ADCY7: variants seen among roughly 807,000 people sequenced by gnomAD.
The protein encoded by ADCY7 is adenylate cyclase 7, also known as adenylate cyclase type 7.
ADCY7 carries 72 observed loss-of-function variants against 120.6 expected under a neutral mutation model. The ratio of observed to expected loss-of-function variants is 0.60; its 90% CI spans 0.49 to 0.73. ADCY7 has a LOEUF of 0.73. Among genes scored for constraint, ADCY7 ranks in the 30% least tolerant of loss-of-function variants. The pLI is 0.00. For synonymous variants in ADCY7, 661 were observed against 628.0 expected (o/e 1.05, Z -0.78); for missense variants, 1,227 against 1,486.0 (o/e 0.83, Z 2.87).
intron 1 of ADCY7, among the ~76,000 whole-genome samples, chr16:50,277,176 G>T (rs887306151): frequency 6.6e-6 from 1 of 152,072 alleles, no homozygotes; most frequent in East Asian, 1.9e-4. Flanking sequence ...TCCATTGTAA[G>T]GTTGTATCAT....
At position 50,301,283 on chromosome 16, in the gene ADCY7, C is replaced by T. The variant is rs1228680936; in HGVS notation, c.1368+69C>T. 1.6e-5 allele frequency: 24 copies of T among 1,507,478 alleles called. No individual in the cohort carries two copies. The East Asian group carries it at 5.9e-4, about 37-fold the overall frequency. 93.4% of individuals were successfully genotyped at this position (1,507,478 alleles called of 1,614,324 possible). A position where few individuals can be genotyped will look rare whatever the true frequency, so the allele number is the denominator to read the frequency against. On this transcript the variant is annotated intron_variant, in intron 10 of 25. Transcript: ENST00000673801. ...CTGGAGGGGCCCTGGAGAGCCTGGC[C>T]CGCACCTTGGAGGAAACCCCCATGT...
chr16:50,293,641 G>A, intron 6 of ADCY7, 139 bp downstream of exon 6: 1 of 1,066,054 alleles, frequency 9.4e-7, no homozygotes, highest in East Asian at 2.6e-5. Flanking sequence ...CATGGTTCCA[G>A]GTCAATCTGG....
chr16:50,302,779 A>G (rs541597161), intron 10 of ADCY7, among the ~76,000 whole-genome samples: 2 of 152,282 alleles, frequency 1.3e-5, no homozygotes, highest in African/African-American at 4.8e-5. Context: ...CTAAGGTGGC[A>G]GTGGCGGGCC....
intron 8 of ADCY7, among the ~76,000 whole-genome samples, chr16:50,299,398 A>G (rs2035566871): frequency 2.0e-5 from 3 of 152,228 alleles, no homozygotes; most frequent in Non-Finnish European, 2.9e-5. Flanking sequence ...CCAAGGCTCC[A>G]TCTGCTTCCT....
At chr16:50,275,392 C>A (rs1258270964) in intron 1 of ADCY7, among the ~76,000 whole-genome samples, 1 of 152,162 alleles carries the variant, frequency 6.6e-6, no homozygotes, top group African/African-American at 2.4e-5. Context: ...CTCTACAGGC[C>A]ACAGCTACCC....
chr16:50,308,848 G>T, intron 17 of ADCY7, 56 bp downstream of exon 17: 1 of 1,547,262 alleles, frequency 6.5e-7, no homozygotes. Context: ...CTCCAGATTT[G>T]GGACGCCTAC....
At chr16:50,291,606 C>T (rs1048965659) in intron 3 of ADCY7, 130 bp from the exon 4 acceptor site, 8 of 982,740 alleles carry the variant, frequency 8.1e-6, no homozygotes, top group Non-Finnish European at 6.2e-6. Flanking sequence ...TATGTCTGCC[C>T]ACGCAGGGGG....
Position 50,246,223 on chromosome 16 carries a change from G to T in ADCY7, c.-64+20G>T. ...CAGCAGGTGAGCGCGGGGCGCGGGGGAGCGCGGCGGGCGGGCCGGGGATGC... is the reference window on the plus strand; with the variant it reads ...CAGCAGGTGAGCGCGGGGCGCGGGGTAGCGCGGCGGGCGGGCCGGGGATGC... On this transcript the variant is annotated intron_variant, in intron 1 of 4. Transcript: ENST00000564044. The T allele has an allele frequency of 2.0e-5, 3 of 149,690 alleles. No homozygotes were observed. In the South Asian group the frequency reaches 5.6e-4, roughly 28 times the overall value. 9.3% of individuals were successfully genotyped at this position (149,690 alleles called of 1,614,324 possible).
rs764713103 is a variant in ADCY7, at chr16:50,311,728, C to T, written c.2390C>T (p.Thr797Ile). 1 of 1,612,192 alleles carries T rather than the reference C, an allele frequency of 6.2e-7. No individual in the cohort carries two copies. The highest frequency in any genetic ancestry group is 1.1e-5 in the South Asian group (1 of 91,034). The change falls in exon 20 of 26, where the codon ACC becomes ATC. Residue 797 changes from threonine to isoleucine, a missense_variant. By Grantham distance (89) the Thr-to-Ile change is moderately conservative. This residue lies in a region of ADCY7 where 267 missense variants were observed against 270.0 expected (regional missense o/e 0.99). Coordinates refer to ENST00000673801, the MANE Select transcript of ADCY7 (RefSeq NM_001114.5). ...TPSCSWKDLK[T>I]MTNFYLVLFY... ...AGCTGTTCCTGGAAGGACCTGAAGA[C>T]CATGACCAATTTCTACCTGGTCCTG...
chr16:50,311,545 T>A, intron 19 of ADCY7, 148 bp from the exon 20 acceptor site: 2 of 668,294 alleles, frequency 3.0e-6, no homozygotes, highest in Non-Finnish European at 2.7e-6. Flanking sequence ...CCCCCCTTTA[T>A]AATACCCCAA....
intron 4 of ADCY7, among the ~76,000 whole-genome samples, chr16:50,292,202 C>G (rs2035030380): frequency 6.6e-6 from 1 of 152,238 alleles, no homozygotes; most frequent in South Asian, 2.1e-4. Context: ...CGAAGTTTCC[C>G]CTCGAAGGCC....
chr16:50,301,341 C>A, intron 10 of ADCY7, 127 bp downstream of exon 10: 7 of 1,268,858 alleles, frequency 5.5e-6, no homozygotes, highest in Non-Finnish European at 6.4e-6. Context: ...CCTGCCTGGG[C>A]AGGAGTGAGC....
Position 50,292,818 on chromosome 16 carries a change from G to A in ADCY7, c.680G>A (p.Arg227His), listed in dbSNP as rs1318685397. The A allele has an allele frequency of 5.0e-6, 8 of 1,613,050 alleles. No individual in the cohort carries two copies. Among genetic ancestry groups the A allele is most frequent in the Admixed American group, 1.7e-5 (1 of 59,984 alleles). Residue 227 changes from arginine (R) to histidine (H), a missense_variant, in exon 5 of 26, where the codon CGC becomes CAC. Coordinates refer to ENST00000673801, the MANE Select transcript of ADCY7 (RefSeq NM_001114.5). ...CGCCGGAAGCTGCGCATCGAGAAGC[G>A]CCAGCAGGTGGGACCCGGCCCCCAC... ...QIRRKLRIEK[R>H]QQENLLLSVL...
chr16:50,311,811 C>CCG (rs1555525928), intron 20 of ADCY7, 25 bp downstream of exon 20: 4 of 1,343,458 alleles, frequency 3.0e-6, no homozygotes, highest in East Asian at 5.6e-5. Flanking sequence ...CCCCCCCCCC[C>CCG]CCCCAAGCTC....
At chr16:50,258,091 T>A (rs1289118843) in intron 1 of ADCY7, among the ~76,000 whole-genome samples, 1 of 152,076 alleles carries the variant, frequency 6.6e-6, no homozygotes, top group Middle Eastern at 3.2e-3. Flanking sequence ...GAGCCAGGCA[T>A]GGTGGCATGC....
chr16:50,312,166 A>G lies in ADCY7; in HGVS notation c.2579A>G (p.His860Arg). The G allele has an allele frequency of 6.2e-7, 1 of 1,614,028 alleles. No individual in the cohort carries two copies. Among genetic ancestry groups the G allele is most frequent in the Non-Finnish European group, 8.5e-7 (1 of 1,180,004 alleles). ...GTCCTGCCAGCCCACGTGGCTGCCC[A>G]CTTTATCGGTGACAAGTTAAACGAG... ...ENVLPAHVAA[H>R]FIGDKLNEDW... Residue 860 changes from histidine (H) to arginine (R), a missense_variant, in exon 21 of 26, where the codon CAC (histidine) becomes CGC (arginine). By Grantham distance (29) the His-to-Arg change is conservative. This residue lies in a region of ADCY7 where 244 missense variants were observed against 332.8 expected (regional missense o/e 0.73). Coordinates refer to ENST00000673801, the MANE Select transcript of ADCY7 (RefSeq NM_001114.5).
At chr16:50,287,708 T>A (rs1175367748) in intron 1 of ADCY7, among the ~76,000 whole-genome samples, 1 of 148,718 alleles carries the variant, frequency 6.7e-6, no homozygotes, top group African/African-American at 2.5e-5. Context: ...CAGCCACATG[T>A]GGCTAGTGGC....
At position 50,304,549 on chromosome 16, in the gene ADCY7, A is replaced by C; in HGVS notation, c.1558A>C (p.Lys520Gln). Reference sequence around the variant, plus strand: ...CCACGTCCCCAACGGGCGGAGGCCTAAGGTAGGTCCCCCTCCCACCCAGAA... The same window carrying C: ...CCACGTCCCCAACGGGCGGAGGCCTCAGGTAGGTCCCCCTCCCACCCAGAA... Reference protein sequence around the residue: ...ETHVPNGRRPKSVPQRHRRTP... With the variant: ...ETHVPNGRRPQSVPQRHRRTP... The change falls in exon 11 of 26, where the codon AAG becomes CAG. Residue 520 changes from lysine to glutamine, a missense_variant and splice_region_variant. Physicochemically the swap from Lys to Gln is moderately conservative, Grantham distance 53. Coordinates refer to ENST00000673801, the MANE Select transcript of ADCY7 (RefSeq NM_001114.5). 6.5e-7 allele frequency: 1 copy of C among 1,539,500 alleles called. No individual in the cohort carries two copies. The highest frequency in any genetic ancestry group is 1.2e-5 in the South Asian group (1 of 80,630).
chr16:50,270,232 C>T (rs1031549127), intron 1 of ADCY7, among the ~76,000 whole-genome samples: 2 of 111,938 alleles, frequency 1.8e-5, no homozygotes, highest in East Asian at 2.6e-4. Context: ...GATAGATAAA[C>T]AGATAGATAG....
Sources: allele counts gnomAD v4.1 joint callset (sites outside exome capture counted in the v4.1 genomes callset), GRCh38; gene constraint gnomAD v4.1.1; regional missense constraint gnomAD v4.1.1; transcripts MANE v1.5; gene names NCBI Gene and HGNC (gene_info 2026-07-23, HGNC 2026-07-21).